FHIT: variants seen among roughly 807,000 people sequenced by gnomAD.
FHIT encodes bis(5'-adenosyl)-triphosphatase.
In FHIT, 19 loss-of-function variants were observed where a neutral mutation model predicts 17.9. That is an observed-to-expected ratio of 1.06 (90% CI 0.74 to 1.56). The LOEUF is 1.56. Ranked by LOEUF, FHIT falls within the 40% of genes most tolerant of loss-of-function variation. FHIT has a pLI of 0.00. For missense variants in FHIT, 248 were observed against 189.2 expected (o/e 1.31, Z -1.82); for synonymous variants, 81 against 69.7 (o/e 1.16, Z -0.81).
At chr3:59,817,643 G>A (rs1365350666) in intron 8 of FHIT, among the ~76,000 whole-genome samples, 1 of 151,162 alleles carries the variant, frequency 6.6e-6, no homozygotes, top group Non-Finnish European at 1.5e-5. Flanking sequence ...AATAGGAATA[G>A]TTCAGAAACC....
At chr3:59,872,280 G>A (rs145907965) in intron 8 of FHIT, among the ~76,000 whole-genome samples, 4 of 152,074 alleles carry the variant, frequency 2.6e-5, no homozygotes, top group Admixed American at 6.5e-5. Context: ...TGCTGCCCTG[G>A]GCTCAGGCAA....
intron 7 of FHIT, among the ~76,000 whole-genome samples, chr3:60,003,066 G>A (rs1161345616): frequency 1.3e-5 from 2 of 152,164 alleles, no homozygotes; most frequent in Non-Finnish European, 2.9e-5. Context: ...AATGGAAAGT[G>A]CTTCAAATGG....
At chr3:60,861,464 G>C (rs541667680) in intron 3 of FHIT, among the ~76,000 whole-genome samples, 1 of 150,886 alleles carries the variant, frequency 6.6e-6, no homozygotes, top group African/African-American at 2.4e-5. Flanking sequence ...CTAGATGCCA[G>C]TAGTAACCTC....
intron 5 of FHIT, among the ~76,000 whole-genome samples, chr3:60,444,755 T>A (rs2031197490): frequency 6.6e-6 from 1 of 151,692 alleles, no homozygotes; most frequent in Non-Finnish European, 1.5e-5. Flanking sequence ...AATGACGAGT[T>A]AATGGGTGCA....
At chr3:59,951,398 C>T (rs142575167) in intron 7 of FHIT, among the ~76,000 whole-genome samples, 66 of 152,280 alleles carry the variant, frequency 4.3e-4, no homozygotes, top group African/African-American at 1.5e-3. Flanking sequence ...TTCATGGCCA[C>T]GGCCACTACG....
chr3:60,485,871 A>G (rs1245068217), intron 5 of FHIT, among the ~76,000 whole-genome samples: 2 of 152,162 alleles, frequency 1.3e-5, no homozygotes, highest in East Asian at 3.8e-4. Flanking sequence ...TCATCTTTTC[A>G]TATACAGACC....
At chr3:60,728,588 G>A (rs1023440503) in intron 4 of FHIT, among the ~76,000 whole-genome samples, 8 of 151,242 alleles carry the variant, frequency 5.3e-5, no homozygotes, top group Admixed American at 2.0e-4. Flanking sequence ...GTTTTGCGTC[G>A]TTTTTTTAAA....
At chr3:60,648,649 A>G (rs1273793334) in intron 4 of FHIT, among the ~76,000 whole-genome samples, 3 of 152,246 alleles carry the variant, frequency 2.0e-5, no homozygotes, top group Admixed American at 6.5e-5. Flanking sequence ...GAAGCATCGC[A>G]GGAGCAAAGG....
chr3:60,378,956 A>C (rs114059387), intron 5 of FHIT, among the ~76,000 whole-genome samples: 5 of 152,218 alleles, frequency 3.3e-5, no homozygotes, highest in African/African-American at 9.7e-5. Context: ...ACTACAATCA[A>C]GTAGGTGGTA....
chr3:60,475,989 G>A (rs558272694), intron 5 of FHIT, among the ~76,000 whole-genome samples: 1 of 152,140 alleles, frequency 6.6e-6, no homozygotes, highest in Non-Finnish European at 1.5e-5. Flanking sequence ...CTTGGCACAA[G>A]AACTGGCATA....
At chr3:60,171,029 C>A (rs1003866249) in intron 5 of FHIT, among the ~76,000 whole-genome samples, 1 of 152,110 alleles carries the variant, frequency 6.6e-6, no homozygotes, top group Admixed American at 6.5e-5. Flanking sequence ...CTTTCTATCC[C>A]CAACAGACAC....
chr3:60,324,573 G>GAAAAAAAAA (rs4022385), intron 5 of FHIT, among the ~76,000 whole-genome samples: 1 of 128,850 alleles, frequency 7.8e-6, no homozygotes, highest in Admixed American at 8.2e-5. Flanking sequence ...GACTCCATCA[G>GAAAAAAAAA]AAAAAAAAAA....
chr3:60,069,063 G>C lies in FHIT; in HGVS notation c.104-54911C>G, dbSNP rs139308049. ...AGGACAAAGCTCCAAAACATACTCT[G>C]AAAGACAAAAAGGTAATCATAGAAA... On this transcript the variant is annotated intron_variant, in intron 5 of 9. Coordinates refer to ENST00000492590, the MANE Select transcript of FHIT (RefSeq NM_002012.4). Among the ~76,000 whole-genome samples, 172 of 152,112 alleles carry C rather than the reference G, an allele frequency of 1.1e-3. 2 individuals carry two copies. The highest frequency in any genetic ancestry group is 3.7e-3 in the Admixed American group (56 of 15,280).
At chr3:60,568,791 G>A (rs527393304) in intron 4 of FHIT, among the ~76,000 whole-genome samples, 2 of 151,788 alleles carry the variant, frequency 1.3e-5, no homozygotes, top group Admixed American at 6.6e-5. Flanking sequence ...TTTTGAATTC[G>A]ATCTTTATTT....
At chr3:60,561,235 C>T (rs1467690373) in intron 4 of FHIT, among the ~76,000 whole-genome samples, 1 of 151,946 alleles carries the variant, frequency 6.6e-6, no homozygotes, top group Non-Finnish European at 1.5e-5. Context: ...TAAGGTAGGA[C>T]TGAAATGTGG....
chr3:60,123,983 T>A (rs1203552244), intron 5 of FHIT, among the ~76,000 whole-genome samples: 2 of 40,002 alleles, frequency 5.0e-5, no homozygotes, highest in Admixed American at 3.0e-4. Context: ...TATATATATA[T>A]ATATATATAT....
intron 4 of FHIT, among the ~76,000 whole-genome samples, chr3:60,652,952 A>AC (rs2040029376): frequency 6.7e-6 from 1 of 148,270 alleles, no homozygotes; most frequent in African/African-American, 2.5e-5. Context: ...ACAAAACAAA[A>AC]CAAAACCTTA....
chr3:61,014,795 A>T (rs1296021943), intron 3 of FHIT, among the ~76,000 whole-genome samples: 7 of 85,444 alleles, frequency 8.2e-5, no homozygotes, highest in East Asian at 2.3e-4. Context: ...AAAAAAAAAA[A>T]AAAAAAAAAA....
At chr3:59,961,291 T>C (rs547401875) in intron 7 of FHIT, among the ~76,000 whole-genome samples, 8 of 152,256 alleles carry the variant, frequency 5.3e-5, no homozygotes, top group African/African-American at 1.4e-4. Context: ...TCCAGGGACA[T>C]GTAAATACAA....
Sources: allele counts gnomAD v4.1 joint callset (sites outside exome capture counted in the v4.1 genomes callset), GRCh38; gene constraint gnomAD v4.1.1; transcripts MANE v1.5; gene names NCBI Gene and HGNC (gene_info 2026-07-23, HGNC 2026-07-21).